SLC5A11: variants seen among roughly 807,000 people sequenced by gnomAD.
The protein encoded by SLC5A11 is solute carrier family 5 member 11.
A neutral mutation model predicts 69.8 loss-of-function variants in SLC5A11; 48 were observed. The ratio of observed to expected loss-of-function variants is 0.69; its 90% CI spans 0.55 to 0.87. The LOEUF is 0.87. SLC5A11 is among the 40% of genes least tolerant of loss of function. The pLI, the probability that SLC5A11 is intolerant of heterozygous loss-of-function variation, is 0.00. For missense variants in SLC5A11, 784 were observed against 866.1 expected (o/e 0.91, Z 1.19); for synonymous variants, 319 against 342.4 (o/e 0.93, Z 0.75).
chr16:24,906,717 G>T (rs1343589615), exon 11 of SLC5A11: 2 of 1,613,622 alleles, frequency 1.2e-6, no homozygotes, highest in African/African-American at 1.3e-5. Flanking sequence ...CCCTCAGGCT[G>T]TTCGGACATC....
chr16:24,848,191 A>G (rs1052745463), intron 1 of SLC5A11, among the ~76,000 whole-genome samples: 8 of 152,188 alleles, frequency 5.3e-5, no homozygotes, highest in African/African-American at 1.7e-4. Context: ...AATGAATGCT[A>G]GTATGTGGTG....
At position 24,892,646 on chromosome 16, in the gene SLC5A11, A is replaced by G. The variant is rs61355479; in HGVS notation, c.870+1572A>G. On this transcript the variant is annotated intron_variant, in intron 9 of 15. Coordinates refer to ENST00000347898, the Ensembl canonical transcript of SLC5A11. ...ACTGAGTGAATATATCACGTGTTCA[A>G]ATATTATTTTTCTGGTACATGAAAC... 9.5e-4 allele frequency among the ~76,000 whole-genome samples: 145 copies of G among 152,230 alleles called. No individual in the cohort carries two copies. In the East Asian group the frequency reaches 0.025, roughly 27 times the overall value.
intron 1 of SLC5A11, among the ~76,000 whole-genome samples, chr16:24,848,672 G>A (rs1038140095): frequency 1.3e-5 from 2 of 152,116 alleles, no homozygotes; most frequent in Non-Finnish European, 2.9e-5. Flanking sequence ...CTTGGGAGAC[G>A]GAGGTGGGAG....
chr16:24,888,134 A>T (rs868231709), intron 8 of SLC5A11, among the ~76,000 whole-genome samples: 8 of 152,288 alleles, frequency 5.3e-5, no homozygotes, highest in African/African-American at 1.9e-4. Flanking sequence ...CATTGAAAAA[A>T]ATTTTTTACA....
chr16:24,883,570 C>T (rs185887927), intron 7 of SLC5A11, among the ~76,000 whole-genome samples: 42 of 152,264 alleles, frequency 2.8e-4, no homozygotes, highest in African/African-American at 7.0e-4. Flanking sequence ...CCTGGCTCTG[C>T]GAATTATAGT....
exon 9 of SLC5A11, chr16:24,891,023 G>T (rs747766569): frequency 6.2e-7 from 1 of 1,614,156 alleles, no homozygotes; most frequent in South Asian, 1.1e-5. Flanking sequence ...CGTGGCCGGG[G>T]GTCCTATTTG....
intron 1 of SLC5A11, among the ~76,000 whole-genome samples, chr16:24,848,885 A>C (rs1218366068): frequency 6.6e-6 from 1 of 152,204 alleles, no homozygotes; most frequent in Non-Finnish European, 1.5e-5. Context: ...ACCTAGACAG[A>C]AGTGATGGTG....
At chr16:24,864,703 C>A (rs1218559751) in intron 3 of SLC5A11, among the ~76,000 whole-genome samples, 1 of 152,070 alleles carries the variant, frequency 6.6e-6, no homozygotes, top group Non-Finnish European at 1.5e-5. Flanking sequence ...CTTAAATCAG[C>A]AATTTTAACT....
chr16:24,864,730 CAAAA>C (rs1267319819), intron 3 of SLC5A11, among the ~76,000 whole-genome samples: 2 of 151,862 alleles, frequency 1.3e-5, no homozygotes, highest in African/African-American at 4.8e-5. Flanking sequence ...AAAAAACACA[CAAAA>C]AAGCCATGTC....
intron 10 of SLC5A11, among the ~76,000 whole-genome samples, chr16:24,905,630 G>A (rs921038241): frequency 1.3e-3 from 95 of 71,060 alleles, no homozygotes; most frequent in African/African-American, 4.3e-3. Context: ...TCAAAAACAC[G>A]CGCGCGCGCG....
intron 6 of SLC5A11, among the ~76,000 whole-genome samples, chr16:24,876,595 G>A (rs748668566): frequency 1.3e-5 from 2 of 152,152 alleles, no homozygotes; most frequent in Non-Finnish European, 2.9e-5. Context: ...AAGGGGTTCC[G>A]TTCAATCCAA....
intron 1 of SLC5A11, among the ~76,000 whole-genome samples, chr16:24,854,401 C>T (rs1028703484): frequency 2.0e-5 from 3 of 152,014 alleles, no homozygotes; most frequent in Admixed American, 6.5e-5. Context: ...CTTAAACTCT[C>T]AGAGCCATCA....
At chr16:24,867,132 A>G (rs2046968800) in intron 3 of SLC5A11, among the ~76,000 whole-genome samples, 1 of 152,242 alleles carries the variant, frequency 6.6e-6, no homozygotes, top group South Asian at 2.1e-4. Flanking sequence ...ATGTTAAGCC[A>G]TAAATAAATC....
chr16:24,879,598 G>A (rs1380417050), intron 7 of SLC5A11, among the ~76,000 whole-genome samples: 1 of 152,070 alleles, frequency 6.6e-6, no homozygotes, highest in Non-Finnish European at 1.5e-5. Flanking sequence ...TTAGCAGAGT[G>A]TGGTGGCAGG....
At chr16:24,863,651 CA>C (rs34129044) in intron 3 of SLC5A11, among the ~76,000 whole-genome samples, 77 of 142,488 alleles carry the variant, frequency 5.4e-4, no homozygotes, top group Middle Eastern at 3.6e-3. Context: ...AGAAGTGAAG[CA>C]AAAAAAAAAA....
chr16:24,873,256 A>AGGAG (rs1232998609), intron 5 of SLC5A11, among the ~76,000 whole-genome samples: 38 of 119,390 alleles, frequency 3.2e-4, no homozygotes, highest in Non-Finnish European at 1.1e-4. Context: ...GGAGGAAGGA[A>AGGAG]GGAAGGAAGG....
In SLC5A11 at chr16:24,870,015, T is replaced by C. The variant is rs1229441070; in HGVS notation, c.312+10T>C. Reference sequence around the variant, plus strand: ...AGCTTATGAACTTAATGTAAGTATTTTACCTAGGGCATAGATGACATCTTA... The same window carrying C: ...AGCTTATGAACTTAATGTAAGTATTCTACCTAGGGCATAGATGACATCTTA... On this transcript the variant is annotated intron_variant, in intron 4 of 15. Transcript: ENST00000347898. The C allele has an allele frequency of 8.2e-6, 13 of 1,584,212 alleles. No homozygotes were observed. The highest frequency in any genetic ancestry group is 1.1e-5 in the Non-Finnish European group (13 of 1,152,920).
At position 24,855,695 on chromosome 16, in the gene SLC5A11, T is replaced by TAAATAAAA. The variant is rs1272932860; in HGVS notation, c.-24-2922_-24-2921insTAAAAAAA. ...CAAAATAAATAAATAAATAAATAAA[T>TAAATAAAA]AAAAATAAAACAAAAAGGCTTGAGA... On this transcript the variant is annotated intron_variant, in intron 1 of 15. Coordinates refer to ENST00000347898, the Ensembl canonical transcript of SLC5A11. 1.2e-4 allele frequency among the ~76,000 whole-genome samples: 18 copies of TAAATAAAA among 150,850 alleles called. No homozygotes were observed. The South Asian group carries it at 3.6e-3, about 30-fold the overall frequency.
At chr16:24,882,941 C>A (rs1261660774) in intron 7 of SLC5A11, among the ~76,000 whole-genome samples, 1 of 152,172 alleles carries the variant, frequency 6.6e-6, no homozygotes, top group Non-Finnish European at 1.5e-5. Flanking sequence ...CCATCTTTCC[C>A]AGCCCATTTC....
Sources: allele counts gnomAD v4.1 joint callset (sites outside exome capture counted in the v4.1 genomes callset), GRCh38; gene constraint gnomAD v4.1.1; transcripts MANE v1.5; gene names NCBI Gene and HGNC (gene_info 2026-07-23, HGNC 2026-07-21).